Variants in SLC9B2 observed in about 807,000 individuals in gnomAD.
SLC9B2 encodes the protein solute carrier family 9 member B2.
Under a neutral mutation model 52.2 loss-of-function variants are expected in SLC9B2, and 39 were observed. The observed-to-expected ratio is 0.75, with a 90% confidence interval of 0.58 to 0.98. The LOEUF (loss-of-function observed/expected upper bound fraction) is 0.98. Ranked by LOEUF, SLC9B2 falls within the 50% of genes least tolerant of loss-of-function variation. SLC9B2 has a pLI of 0.00. For missense variants in SLC9B2, 626 were observed against 637.5 expected, an observed-to-expected ratio of 0.98 and a Z score of 0.19; for synonymous variants, 214 against 227.0, an observed-to-expected ratio of 0.94 and a Z score of 0.51.
Position 103,057,807 on chromosome 4 carries a change from G to A in SLC9B2, c.436C>T (p.Leu146Phe), listed in dbSNP as rs970594931. Residue 146 changes from leucine to phenylalanine, a missense_variant, in exon 4 of 12, where the codon CTT becomes TTT. By Grantham distance (22) the Leu-to-Phe change is conservative. Coordinates refer to ENST00000394785, the MANE Select transcript of SLC9B2 (RefSeq NM_178833.7). ...KLPTLPPLPS[L>F]LGMLLAGFLI... Reference sequence around the variant, plus strand: ...GGAAACATTTAGCACTTACCAAGAAGAGAAGGCAGTGGAGGCAATGTAGGT... The same window carrying A: ...GGAAACATTTAGCACTTACCAAGAAAAGAAGGCAGTGGAGGCAATGTAGGT... The A allele has an allele frequency of 4.3e-6, 7 of 1,613,258 alleles. No individual in the cohort carries two copies. Among genetic ancestry groups the A allele is most frequent in the Non-Finnish European group, 5.9e-6 (7 of 1,179,842 alleles).
chr4:103,035,276 C>A (rs990544456), intron 9 of SLC9B2, among the ~76,000 whole-genome samples: 23 of 152,200 alleles, frequency 1.5e-4, no homozygotes, highest in African/African-American at 5.5e-4. Context: ...AGGATAATGG[C>A]CACCCACTCC....
At chr4:103,034,320 G>A (rs113312855) in intron 9 of SLC9B2, among the ~76,000 whole-genome samples, 37 of 151,754 alleles carry the variant, frequency 2.4e-4, no homozygotes, top group Non-Finnish European at 4.9e-4. Context: ...ATGAATGAAA[G>A]ACTTAAATGT....
At chr4:103,031,872 A>G in intron 9 of SLC9B2, 64 bp from the exon 10 acceptor site, 1 of 1,489,986 alleles carries the variant, frequency 6.7e-7, no homozygotes, top group Admixed American at 1.8e-5. Context: ...AAAGAATTTT[A>G]TTAATTTGAG....
chr4:103,056,317 A>G (rs111292346), intron 4 of SLC9B2, among the ~76,000 whole-genome samples: 1,952 of 151,644 alleles, frequency 0.013, 40 homozygotes, highest in African/African-American at 0.041. Context: ...GTGTGATCTC[A>G]GCTCACTGCA....
At chr4:103,071,080 C>A (rs183891634) in intron 1 of SLC9B2, among the ~76,000 whole-genome samples, 5 of 152,058 alleles carry the variant, frequency 3.3e-5, no homozygotes, top group African/African-American at 4.8e-5. Context: ...AATCCTTTAA[C>A]AGCAGTTGCC....
At chr4:103,072,057 T>TTTTTTTTTG (rs1746695278) in intron 1 of SLC9B2, among the ~76,000 whole-genome samples, 1 of 77,434 alleles carries the variant, frequency 1.3e-5, no homozygotes, top group Non-Finnish European at 2.7e-5. Context: ...GGCTTTCATG[T>TTTTTTTTTG]TTTTTTTTTT....
intron 7 of SLC9B2, among the ~76,000 whole-genome samples, chr4:103,045,852 C>T (rs530593278): frequency 2.0e-4 from 30 of 152,218 alleles, no homozygotes; most frequent in Admixed American, 1.8e-3. Flanking sequence ...TTTTAAAAAT[C>T]GCCCAGGTAA....
intron 1 of SLC9B2, among the ~76,000 whole-genome samples, chr4:103,069,980 T>A (rs1746471525): frequency 6.6e-6 from 1 of 152,252 alleles, no homozygotes; most frequent in African/African-American, 2.4e-5. Flanking sequence ...ATGCCATCTG[T>A]GGGAATTTAT....
chr4:103,029,525 A>G (rs1192506206), intron 10 of SLC9B2, among the ~76,000 whole-genome samples: 2 of 152,138 alleles, frequency 1.3e-5, no homozygotes, highest in Non-Finnish European at 2.9e-5. Flanking sequence ...GCAGTCTACC[A>G]CTGTTTCACC....
At chr4:103,046,508 G>T (rs567367525) in intron 7 of SLC9B2, among the ~76,000 whole-genome samples, 2 of 152,100 alleles carry the variant, frequency 1.3e-5, no homozygotes, top group Non-Finnish European at 2.9e-5. Flanking sequence ...AAGTATTAAT[G>T]GGACATCCAT....
chr4:103,054,896 C>A (rs1170990809), intron 4 of SLC9B2, among the ~76,000 whole-genome samples: 2 of 151,980 alleles, frequency 1.3e-5, no homozygotes, highest in African/African-American at 4.8e-5. Context: ...GGGTATATAC[C>A]CAAAGGATTA....
intron 9 of SLC9B2, among the ~76,000 whole-genome samples, chr4:103,036,326 T>A (rs1263042065): frequency 1.3e-5 from 2 of 151,818 alleles, no homozygotes; most frequent in Non-Finnish European, 2.9e-5. Flanking sequence ...AAACAGTGAG[T>A]CCACAGGGAC....
chr4:103,045,061 A>G, intron 7 of SLC9B2, 65 bp from the exon 8 acceptor site: 2 of 1,021,004 alleles, frequency 2.0e-6, no homozygotes, highest in Admixed American at 2.0e-5. Flanking sequence ...TTATTCCACA[A>G]TCATCAACAT....
chr4:103,072,303 C>T lies in SLC9B2; in HGVS notation c.-43+3881G>A, dbSNP rs55657947. 6.9e-3 allele frequency among the ~76,000 whole-genome samples: 1,047 copies of T among 151,866 alleles called. 9 individuals carry two copies. The highest frequency in any genetic ancestry group is 0.021 in the African/African-American group (869 of 41,344). On this transcript the variant is annotated intron_variant, in intron 1 of 11. Coordinates refer to ENST00000394785, the MANE Select transcript of SLC9B2 (RefSeq NM_178833.7). ...CAAACTCCTGACCTCATGATCTGCCCGCCTTGGCCTCCCAAAGTGCTGGGA... is the reference window on the plus strand; with the variant it reads ...CAAACTCCTGACCTCATGATCTGCCTGCCTTGGCCTCCCAAAGTGCTGGGA...
Position 103,065,224 on chromosome 4 carries a change from T to C in SLC9B2, c.271+1103A>G, listed in dbSNP as rs144891146. On this transcript the variant is annotated intron_variant, in intron 3 of 11. Transcript: ENST00000394785. ...CACACACACATATAACTCAAGTATA[T>C]TGGGTGATATATATTGGGTTGTTGG... Among the ~76,000 whole-genome samples the C allele has an allele frequency of 2.0e-5, 3 of 151,228 alleles. No homozygotes were observed. In the East Asian group the frequency reaches 5.8e-4, roughly 29 times the overall value.
rs2110559767 is a variant in SLC9B2, at chr4:103,022,933, A to G, written c.*3437T>C. Among the ~76,000 whole-genome samples the G allele has an allele frequency of 6.6e-6, 1 of 152,330 alleles. No individual in the cohort carries two copies. The highest frequency in any genetic ancestry group is 2.4e-5 in the African/African-American group (1 of 41,576). The stretch of plus-strand genomic sequence containing the variant: ...GGCATCAAGTGATGACACATGAGTG[A>G]GAGGGTGAGAATGTGGCCATTGGCA... On this transcript the variant is annotated 3_prime_UTR_variant, in exon 12 of 12. Coordinates refer to ENST00000394785, the MANE Select transcript of SLC9B2 (RefSeq NM_178833.7).
intron 9 of SLC9B2, among the ~76,000 whole-genome samples, chr4:103,034,263 T>C (rs546697930): frequency 8.7e-4 from 133 of 152,260 alleles, no homozygotes; most frequent in African/African-American, 3.0e-3. Context: ...ATGCAGAAGA[T>C]TGACGCTGGA....
At chr4:103,033,646 A>G (rs1224310982) in intron 9 of SLC9B2, among the ~76,000 whole-genome samples, 4 of 152,180 alleles carry the variant, frequency 2.6e-5, no homozygotes, top group African/African-American at 9.7e-5. Flanking sequence ...CACAAAAATC[A>G]TTATTTCTAT....
At chr4:103,059,720 C>T (rs563227658) in intron 3 of SLC9B2, among the ~76,000 whole-genome samples, 33 of 152,250 alleles carry the variant, frequency 2.2e-4, no homozygotes, top group African/African-American at 7.5e-4. Flanking sequence ...AAATTATACA[C>T]AAAACTGCAA....
Sources: allele counts gnomAD v4.1 joint callset (sites outside exome capture counted in the v4.1 genomes callset), GRCh38; gene constraint gnomAD v4.1.1; transcripts MANE v1.5; gene names NCBI Gene and HGNC (gene_info 2026-07-23, HGNC 2026-07-21).